Variants in TECPR2 observed in about 807,000 individuals in gnomAD.
TECPR2 encodes the protein tectonin beta-propeller repeat-containing protein 2.
A neutral mutation model predicts 138.1 loss-of-function variants in TECPR2; 65 were observed. The ratio of observed to expected loss-of-function variants is 0.47; its 90% confidence interval spans 0.39 to 0.58. The LOEUF (loss-of-function observed/expected upper bound fraction) is 0.58. TECPR2 is among the 20% of genes least tolerant of loss of function. TECPR2 has a pLI of 0.00. For missense variants in TECPR2, 1,553 were observed against 1,824.5 expected, an observed-to-expected ratio of 0.85 and a Z score of 2.71; for synonymous variants, 746 against 749.8, an observed-to-expected ratio of 0.99 and a Z score of 0.08.
intron 17 of TECPR2, among the ~76,000 whole-genome samples, chr14:102,466,084 A>G (rs2139772555): frequency 6.6e-6 from 1 of 152,304 alleles, no homozygotes; most frequent in South Asian, 2.1e-4. Context: ...GAGTCAGGAA[A>G]GAGGTAAAGA....
chr14:102,441,122 T>G (rs1014488438), intron 11 of TECPR2, among the ~76,000 whole-genome samples: 5 of 152,284 alleles, frequency 3.3e-5, no homozygotes, highest in African/African-American at 1.2e-4. Flanking sequence ...TGGCATGCAG[T>G]GGTGCCATCT....
chr14:102,410,703 CAA>C (rs758794893), intron 4 of TECPR2, among the ~76,000 whole-genome samples: 2 of 147,258 alleles, frequency 1.4e-5, no homozygotes, highest in African/African-American at 2.5e-5. Flanking sequence ...TGCCCCCCCT[CAA>C]AAAAAAAAAA....
intron 5 of TECPR2, 112 bp downstream of exon 5, chr14:102,414,905 C>A: frequency 7.3e-7 from 1 of 1,361,660 alleles, no homozygotes; most frequent in Non-Finnish European, 1.0e-6. Context: ...TGCAAACCCA[C>A]AGCGCCTCTA....
chr14:102,490,029 A>AAAATAGAGTGAGTTTATAAAAT (rs1567363212), intron 17 of TECPR2, among the ~76,000 whole-genome samples: 2 of 152,210 alleles, frequency 1.3e-5, no homozygotes, highest in Non-Finnish European at 2.9e-5. Context: ...TTACAAAAAA[A>AAAATAGAGTGAGTTTATAAAAT]AAATACAGTG....
intron 16 of TECPR2, among the ~76,000 whole-genome samples, chr14:102,455,191 T>C (rs186596722): frequency 6.3e-4 from 96 of 152,284 alleles, no homozygotes; most frequent in Middle Eastern, 3.4e-3. Context: ...GGGTTGGGTG[T>C]GTGAACAGAG....
At chr14:102,456,298 T>G (rs1408543032) in intron 16 of TECPR2, among the ~76,000 whole-genome samples, 1 of 152,216 alleles carries the variant, frequency 6.6e-6, no homozygotes, top group East Asian at 1.9e-4. Flanking sequence ...AAGCACCACC[T>G]CGCTTAGTCC....
At chr14:102,482,554 T>C (rs1890914998) in intron 17 of TECPR2, among the ~76,000 whole-genome samples, 1 of 152,190 alleles carries the variant, frequency 6.6e-6, no homozygotes, top group African/African-American at 2.4e-5. Flanking sequence ...ACCTTTGACC[T>C]CCCCTCATGT....
chr14:102,405,294 G>A (rs946726828), intron 2 of TECPR2, among the ~76,000 whole-genome samples: 4 of 152,112 alleles, frequency 2.6e-5, no homozygotes, highest in Non-Finnish European at 5.9e-5. Context: ...GGGCAACAGA[G>A]CGAGGCTCCA....
intron 1 of TECPR2, among the ~76,000 whole-genome samples, chr14:102,371,666 A>AT (rs989316970): frequency 2.0e-5 from 3 of 151,544 alleles, no homozygotes; most frequent in Non-Finnish European, 4.4e-5. Context: ...TTGGCAATAC[A>AT]TTTTTTTTTA....
At chr14:102,448,020 A>T (rs114341553) in intron 13 of TECPR2, among the ~76,000 whole-genome samples, 1 of 152,226 alleles carries the variant, frequency 6.6e-6, no homozygotes, top group African/African-American at 2.4e-5. Flanking sequence ...TTATATACAG[A>T]TGTATCTAAT....
intron 2 of TECPR2, among the ~76,000 whole-genome samples, chr14:102,405,318 C>T (rs762152468): frequency 6.6e-6 from 1 of 151,868 alleles, no homozygotes; most frequent in South Asian, 2.1e-4. Flanking sequence ...CAAAAAGAAA[C>T]AAACAGACAA....
chr14:102,498,760 G>T lies in TECPR2; in HGVS notation c.*503G>T, dbSNP rs1891362332. 10 of 481,050 alleles carry T rather than the reference G, an allele frequency of 2.1e-5. No individual in the cohort carries two copies. The highest frequency in any genetic ancestry group is 1.8e-4 in the South Asian group (10 of 55,878). The allele number at this position is 481,050 out of a possible 1,614,324, so 29.8% of individuals were successfully genotyped here. ...GGGGTGTCCCCCCAGAGACAAAGCT[G>T]CAGAGCACATTCCATGCCAGACGCT... On this transcript the variant is annotated 3_prime_UTR_variant, in exon 20 of 20. Coordinates refer to ENST00000359520, the MANE Select transcript of TECPR2 (RefSeq NM_014844.5).
In TECPR2 at chr14:102,497,566, A is replaced by G. The variant is rs2139803614; in HGVS notation, c.3932-4A>G. On this transcript the variant is annotated splice_region_variant and splice_polypyrimidine_tract_variant and intron_variant, in intron 18 of 19. Transcript: ENST00000359520. ...GGCTCAGGAGGGACCCTGTCTGCCC[A>G]CAGGGTTGCAGGCCTGCCAGCTGGC... 1.3e-6 allele frequency: 2 copies of G among 1,585,424 alleles called. No homozygotes were observed. The highest frequency in any genetic ancestry group is 4.6e-5 in the East Asian group (2 of 43,544).
intron 5 of TECPR2, among the ~76,000 whole-genome samples, chr14:102,417,635 C>T (rs1326930067): frequency 6.6e-6 from 1 of 152,194 alleles, no homozygotes; most frequent in Non-Finnish European, 1.5e-5. Flanking sequence ...TATGCCAAGA[C>T]CTCAATTGGG....
At chr14:102,492,893 A>G (rs551534983) in intron 17 of TECPR2, among the ~76,000 whole-genome samples, 21 of 152,340 alleles carry the variant, frequency 1.4e-4, no homozygotes, top group Non-Finnish European at 2.2e-4. Context: ...ATTAGGAGGC[A>G]GAGCCCGGAA....
intron 2 of TECPR2, among the ~76,000 whole-genome samples, chr14:102,387,073 G>A (rs529561259): frequency 9.3e-4 from 142 of 152,182 alleles, no homozygotes; most frequent in African/African-American, 3.3e-3. Flanking sequence ...ACTAGTTTAG[G>A]GAAAATCTAA....
intron 3 of TECPR2, 41 bp downstream of exon 3, chr14:102,407,507 C>A (rs2139693467): frequency 6.4e-7 from 1 of 1,553,024 alleles, no homozygotes; most frequent in Non-Finnish European, 8.7e-7. Context: ...CTTCTTGGCA[C>A]ATTCCTCATG....
chr14:102,385,891 G>A (rs920187209), intron 2 of TECPR2, among the ~76,000 whole-genome samples: 2 of 151,252 alleles, frequency 1.3e-5, no homozygotes, highest in Admixed American at 1.3e-4. Context: ...AGCCGAGATC[G>A]AGCCACTGCA....
intron 2 of TECPR2, among the ~76,000 whole-genome samples, chr14:102,387,131 T>G (rs1241249604): frequency 6.6e-6 from 1 of 152,198 alleles, no homozygotes; most frequent in Non-Finnish European, 1.5e-5. Flanking sequence ...AATAAATCCA[T>G]GTATGGCATG....
Sources: gnomAD v4.1 joint callset for allele counts (sites outside exome capture counted in the v4.1 genomes callset) on GRCh38, gnomAD v4.1.1 for gene constraint, MANE v1.5 for transcripts, NCBI Gene and HGNC (gene_info 2026-07-23, HGNC 2026-07-21) for gene names.